Variants in CAMKMT observed in about 807,000 individuals in gnomAD.
The protein encoded by CAMKMT is CaM KMT.
Under a neutral mutation model 48.0 loss-of-function variants are expected in CAMKMT, and 53 were observed. That is an observed-to-expected ratio of 1.10 (90% CI 0.89 to 1.39). The LOEUF is 1.39. CAMKMT is among the 40% of genes most tolerant of loss of function. The pLI, the probability that CAMKMT is intolerant of heterozygous loss-of-function variation, is 0.00. For synonymous variants in CAMKMT, 165 were observed against 152.3 expected (o/e 1.08, Z -0.61); for missense variants, 428 against 402.7 (o/e 1.06, Z -0.54).
chr2:44,730,923 C>A (rs1302340019), intron 7 of CAMKMT, among the ~76,000 whole-genome samples: 2 of 152,216 alleles, frequency 1.3e-5, no homozygotes, highest in African/African-American at 4.8e-5. Context: ...TGGCTGCCTT[C>A]CCTACTGCTG....
At chr2:44,668,668 T>C (rs1675148222) in intron 3 of CAMKMT, among the ~76,000 whole-genome samples, 1 of 152,228 alleles carries the variant, frequency 6.6e-6, no homozygotes, top group African/African-American at 2.4e-5. Flanking sequence ...TCGTAGAATA[T>C]TACCAATGTT....
At chr2:44,694,661 A>T (rs1156994707) in intron 3 of CAMKMT, among the ~76,000 whole-genome samples, 1 of 152,232 alleles carries the variant, frequency 6.6e-6, no homozygotes, top group Admixed American at 6.5e-5. Flanking sequence ...CCAGTTTTCC[A>T]CCTCACTCTT....
chr2:44,380,880 G>C (rs752283612), intron 2 of CAMKMT, among the ~76,000 whole-genome samples: 2 of 151,946 alleles, frequency 1.3e-5, no homozygotes, highest in Non-Finnish European at 2.9e-5. Context: ...TAATGCTTTC[G>C]GCCGGGCATG....
At chr2:44,688,392 G>A (rs1433238734) in intron 3 of CAMKMT, among the ~76,000 whole-genome samples, 1 of 151,924 alleles carries the variant, frequency 6.6e-6, no homozygotes, top group African/African-American at 2.4e-5. Context: ...TCATATCAAT[G>A]AATAATGATG....
chr2:44,711,634 C>G (rs561083916), intron 6 of CAMKMT, among the ~76,000 whole-genome samples: 2 of 152,256 alleles, frequency 1.3e-5, no homozygotes, highest in African/African-American at 2.4e-5. Flanking sequence ...TAATTCTAAG[C>G]AGCAGGAAAA....
At chr2:44,387,280 C>G (rs1312170015) in intron 2 of CAMKMT, among the ~76,000 whole-genome samples, 1 of 152,108 alleles carries the variant, frequency 6.6e-6, no homozygotes, top group African/African-American at 2.4e-5. Flanking sequence ...CCCTCTTTGT[C>G]TCTTTTAACT....
In CAMKMT at chr2:44,366,768, C is replaced by T. The variant is rs189494385; in HGVS notation, c.138+4623C>T. Among the ~76,000 whole-genome samples the T allele has an allele frequency of 2.6e-5, 4 of 152,162 alleles. No homozygotes were observed. The East Asian group carries it at 7.7e-4, about 29-fold the overall frequency. ...ACAAAGTCTCACTCCATCATCCAGGCTGAAGTGCAGCAGTGTGATCTCGGC... is the reference window on the plus strand; with the variant it reads ...ACAAAGTCTCACTCCATCATCCAGGTTGAAGTGCAGCAGTGTGATCTCGGC... On this transcript the variant is annotated intron_variant, in intron 1 of 10. Transcript: ENST00000378494.
At chr2:44,667,789 C>T (rs1428334407) in intron 3 of CAMKMT, among the ~76,000 whole-genome samples, 5 of 152,186 alleles carry the variant, frequency 3.3e-5, no homozygotes, top group Non-Finnish European at 7.4e-5. Context: ...GTGATAGCTC[C>T]ACTCCAACAG....
At chr2:44,390,444 T>C in intron 3 of CAMKMT, 139 bp downstream of exon 3, 1 of 581,574 alleles carries the variant, frequency 1.7e-6, no homozygotes, top group Non-Finnish European at 2.8e-6. Context: ...AGTTTGACTG[T>C]CTTTAGCTGC....
rs185208544 is a variant in CAMKMT at position 44,748,736 on chromosome 2, G to A, written c.698+5040G>A. Among the ~76,000 whole-genome samples, 55 of 152,122 alleles carry A rather than the reference G, an allele frequency of 3.6e-4. No homozygotes were observed. In the East Asian group the frequency reaches 9.9e-3, roughly 27 times the overall value. ...AAATAATAAAAAAAAAATTAGATGGGCATGGTGGTGGGCACCTGTAGTCCC... is the reference window on the plus strand; with the variant it reads ...AAATAATAAAAAAAAAATTAGATGGACATGGTGGTGGGCACCTGTAGTCCC... On this transcript the variant is annotated intron_variant, in intron 8 of 10. Coordinates refer to ENST00000378494, the MANE Select transcript of CAMKMT (RefSeq NM_024766.5).
At chr2:44,425,204 T>G (rs1067370) in intron 3 of CAMKMT, among the ~76,000 whole-genome samples, 80,976 of 151,986 alleles carry the variant, frequency 0.53, 23,751 homozygotes, top group Non-Finnish European at 0.67. Context: ...TATCTAACAA[T>G]AGTTAATGGC....
At chr2:44,493,689 T>C (rs1020296519) in intron 3 of CAMKMT, among the ~76,000 whole-genome samples, 1 of 152,216 alleles carries the variant, frequency 6.6e-6, no homozygotes, top group African/African-American at 2.4e-5. Context: ...CCTTCTTTGG[T>C]AATTTATAGA....
chr2:44,516,560 G>C (rs1262411718), intron 3 of CAMKMT, among the ~76,000 whole-genome samples: 2 of 152,070 alleles, frequency 1.3e-5, no homozygotes, highest in South Asian at 2.1e-4. Context: ...ATTTGGGATA[G>C]CTATAAAGAG....
chr2:44,415,173 G>T (rs908536752), intron 3 of CAMKMT, among the ~76,000 whole-genome samples: 4 of 151,946 alleles, frequency 2.6e-5, no homozygotes, highest in African/African-American at 9.7e-5. Flanking sequence ...AAAATTCTGG[G>T]TATTATTCTT....
intron 3 of CAMKMT, among the ~76,000 whole-genome samples, chr2:44,625,534 C>T (rs1672433134): frequency 1.3e-5 from 2 of 151,624 alleles, no homozygotes; most frequent in Admixed American, 6.6e-5. Context: ...TCTAAGTTAT[C>T]TTTTTTTTCT....
chr2:44,690,724 C>T lies in CAMKMT; in HGVS notation c.377-13559C>T, dbSNP rs548389397. The stretch of plus-strand genomic sequence containing the variant: ...GGTGTGGTGGCTCACGCCTGTAATA[C>T]CAGCACTTTGGGAGGCTGAGGTGGG... On this transcript the variant is annotated intron_variant, in intron 3 of 10. Coordinates refer to ENST00000378494, the MANE Select transcript of CAMKMT (RefSeq NM_024766.5). Among the ~76,000 whole-genome samples the T allele has an allele frequency of 1.9e-4, 29 of 152,216 alleles. No individual in the cohort carries two copies. In the East Asian group the frequency reaches 4.4e-3, roughly 23 times the overall value.
At chr2:44,530,116 T>G (rs1666402135) in intron 3 of CAMKMT, among the ~76,000 whole-genome samples, 1 of 152,184 alleles carries the variant, frequency 6.6e-6, no homozygotes, top group Admixed American at 6.6e-5. Context: ...TTCAATGTCA[T>G]AGTATTACAC....
chr2:44,669,507 C>T (rs769055173), intron 3 of CAMKMT, among the ~76,000 whole-genome samples: 3 of 152,294 alleles, frequency 2.0e-5, no homozygotes, highest in Admixed American at 6.5e-5. Context: ...AGTGTTGTAT[C>T]AATTTATACT....
chr2:44,465,736 G>C (rs1407055414), intron 3 of CAMKMT, among the ~76,000 whole-genome samples: 2 of 152,164 alleles, frequency 1.3e-5, no homozygotes, highest in African/African-American at 2.4e-5. Flanking sequence ...CTTAATCAAA[G>C]AACAGAGAGT....
Sources: gnomAD v4.1 joint callset for allele counts (sites outside exome capture counted in the v4.1 genomes callset) on GRCh38, gnomAD v4.1.1 for gene constraint, MANE v1.5 for transcripts, NCBI Gene and HGNC (gene_info 2026-07-23, HGNC 2026-07-21) for gene names.